The following MMUT variants were observed in gnomAD, a reference collection of about 807,000 sequenced individuals.
MMUT encodes the protein methylmalonyl-CoA mutase, also known as methylmalonyl-CoA mutase, mitochondrial.
In MMUT, 79 loss-of-function variants were observed where a neutral mutation model predicts 79.9. The observed-to-expected ratio is 0.99, with a 90% CI of 0.82 to 1.19. MMUT has a LOEUF of 1.19. Ranked by LOEUF, MMUT falls within the 50% of genes most tolerant of loss-of-function variation. The pLI, the probability that MMUT is intolerant of heterozygous loss-of-function variation, is 0.00. For missense variants in MMUT, 860 were observed against 917.2 expected (o/e 0.94, Z 0.81); for synonymous variants, 273 against 295.7 (o/e 0.92, Z 0.79).
At chr6:49,455,277 A>G (rs944289040) in intron 4 of MMUT, among the ~76,000 whole-genome samples, 1 of 152,204 alleles carries the variant, frequency 6.6e-6, no homozygotes, top group Non-Finnish European at 1.5e-5. Context: ...TCTGAAAAAC[A>G]TCACTATAAA....
chr6:49,452,263 G>T (rs1767573382), intron 5 of MMUT, among the ~76,000 whole-genome samples: 1 of 152,084 alleles, frequency 6.6e-6, no homozygotes, highest in South Asian at 2.1e-4. Context: ...AAATAAAAAT[G>T]ATTATTAAAG....
Position 49,431,869 on chromosome 6 carries a change from T to C in MMUT, c.2125-13A>G. 1 of 1,612,170 alleles carries C rather than the reference T, an allele frequency of 6.2e-7. No individual in the cohort carries two copies. The highest frequency in any genetic ancestry group is 2.2e-5 in the East Asian group (1 of 44,812). ...GAAATTCATAATCCTGTTGAAAGAA[T>C]GTGTTTAATTAATAAGAGCCACTAT... On this transcript the variant is annotated splice_polypyrimidine_tract_variant and intron_variant, in intron 12 of 12. Coordinates refer to ENST00000274813, the MANE Select transcript of MMUT (RefSeq NM_000255.4).
chr6:49,448,931 A>G lies in MMUT; in HGVS notation c.1333-4T>C. Reference sequence around the variant, plus strand: ...TTTCTTCAATTTCATTAATGAGCTAAAAAGAAAAACATTAACAAAACTAAA... The same window carrying G: ...TTTCTTCAATTTCATTAATGAGCTAGAAAGAAAAACATTAACAAAACTAAA... On this transcript the variant is annotated splice_region_variant and splice_polypyrimidine_tract_variant and intron_variant, in intron 6 of 12. Transcript: ENST00000274813. 1 of 1,587,870 alleles carries G rather than the reference A, an allele frequency of 6.3e-7. No individual in the cohort carries two copies.
At chr6:49,452,309 G>A (rs1243773569) in intron 5 of MMUT, among the ~76,000 whole-genome samples, 1 of 151,890 alleles carries the variant, frequency 6.6e-6, no homozygotes, top group Non-Finnish European at 1.5e-5. Context: ...ATTTCTCCAT[G>A]TATTTATTTA....
intron 3 of MMUT, among the ~76,000 whole-genome samples, chr6:49,457,039 G>A (rs944643754): frequency 2.6e-5 from 4 of 152,190 alleles, no homozygotes; most frequent in Non-Finnish European, 5.9e-5. Flanking sequence ...GTAATTACAA[G>A]GGTTGATAAA....
At chr6:49,444,289 C>T (rs1216807906) in intron 9 of MMUT, among the ~76,000 whole-genome samples, 1 of 151,960 alleles carries the variant, frequency 6.6e-6, no homozygotes, top group Non-Finnish European at 1.5e-5. Context: ...CCCTCCCCAC[C>T]CCACAGCCAT....
rs952959586 is a variant in MMUT, at chr6:49,456,001, T to A, written c.911+79A>T. 8 of 1,219,032 alleles carry A rather than the reference T, an allele frequency of 6.6e-6. No homozygotes were observed. The African/African-American group carries it at 1.2e-4, about 18-fold the overall frequency. The allele number at this position is 1,219,032 out of a possible 1,614,324, so 75.5% of individuals were successfully genotyped here. A position where few individuals can be genotyped will look rare whatever the true frequency, so the allele number is the denominator to read the frequency against. On this transcript the variant is annotated intron_variant, in intron 4 of 12. Coordinates refer to ENST00000274813, the MANE Select transcript of MMUT (RefSeq NM_000255.4). ...AAATCTAGCCTGACATTTATATTTA[T>A]AAATTCATTTTATCAATATATAAAA...
intron 11 of MMUT, 127 bp downstream of exon 11, chr6:49,440,079 C>T (rs1767231855): frequency 7.9e-7 from 1 of 1,261,252 alleles, no homozygotes; most frequent in East Asian, 2.3e-5. Flanking sequence ...TTTGCCAAGT[C>T]AGTGGCTACA....
chr6:49,461,351 CAT>C (rs1767836088), intron 1 of MMUT, among the ~76,000 whole-genome samples: 1 of 152,074 alleles, frequency 6.6e-6, no homozygotes, highest in African/African-American at 2.4e-5. Context: ...ATGTGTTATG[CAT>C]AGTTTCCCAA....
intron 6 of MMUT, 31 bp from the exon 7 acceptor site, chr6:49,448,958 G>C: frequency 1.4e-6 from 2 of 1,400,734 alleles, no homozygotes; most frequent in Non-Finnish European, 2.0e-6. Flanking sequence ...AAAACTAAAA[G>C]AGAATATTAA....
rs1767774959 is a variant in MMUT at position 49,459,255 on chromosome 6, G to A, written c.212C>T (p.Pro71Leu). 2 of 1,614,144 alleles carry A rather than the reference G, an allele frequency of 1.2e-6. No individual in the cohort carries two copies. Among genetic ancestry groups the A allele is most frequent in the African/African-American group, 1.3e-5 (1 of 75,032 alleles). Residue 71 changes from proline to leucine, a missense_variant, in exon 2 of 13, where the codon CCC becomes CTC. Transcript: ENST00000274813. ...CATAGTATCTCTCTTGGAATACAAG[G>A]GTTTTATAGAGATCCCTTCCGGGGT... ...WHTPEGISIK[P>L]LYSKRDTMDL...
chr6:49,451,614 C>A lies in MMUT; in HGVS notation c.1184G>T (p.Gly395Val). 6.2e-7 allele frequency: 1 copy of A among 1,614,096 alleles called. No homozygotes were observed. Among genetic ancestry groups the A allele is most frequent in the South Asian group, 1.1e-5 (1 of 91,078 alleles). ...TCGAGCACTTTTCACAGTTGGCAAA[C>A]CCAAAGCTTCATCAAAAGAATTTGT... ...LHTNSFDEALGLPTVKSARIA... is the reference protein window; with the variant it reads ...LHTNSFDEALVLPTVKSARIA... Residue 395 changes from glycine to valine, a missense_variant, in exon 6 of 13, where the codon GGT (glycine) becomes GTT (valine). Coordinates refer to ENST00000274813, the MANE Select transcript of MMUT (RefSeq NM_000255.4).
intron 12 of MMUT, among the ~76,000 whole-genome samples, 171 bp from the exon 13 acceptor site, chr6:49,432,027 A>G (rs1766993290): frequency 6.6e-6 from 1 of 152,180 alleles, no homozygotes. Context: ...ACTAATAGTC[A>G]TCAGCACCAG....
In MMUT at chr6:49,444,765, A is replaced by T; in HGVS notation, c.1561-11T>A. 1.9e-6 allele frequency: 3 copies of T among 1,591,638 alleles called. No individual in the cohort carries two copies. The highest frequency in any genetic ancestry group is 1.7e-6 in the Non-Finnish European group (2 of 1,159,754). On this transcript the variant is annotated splice_polypyrimidine_tract_variant and intron_variant, in intron 8 of 12. Coordinates refer to ENST00000274813, the MANE Select transcript of MMUT (RefSeq NM_000255.4). ...CCTGCTGGATTTGATCTATGGAAAA[A>T]GTCAAGGAAAGGGACAATTTACATG...
chr6:49,434,694 A>G (rs542990648), intron 12 of MMUT, among the ~76,000 whole-genome samples: 15 of 152,328 alleles, frequency 9.8e-5, no homozygotes, highest in Admixed American at 6.5e-5. Context: ...CATATGTGGA[A>G]GGTGTCTCCC....
At chr6:49,444,905 A>C in intron 8 of MMUT, 151 bp from the exon 9 acceptor site, 1 of 583,212 alleles carries the variant, frequency 1.7e-6, no homozygotes. Flanking sequence ...AATAATATAT[A>C]ACCTAGGAAT....
At chr6:49,460,443 T>C (rs1312437970) in intron 1 of MMUT, among the ~76,000 whole-genome samples, 2 of 152,248 alleles carry the variant, frequency 1.3e-5, no homozygotes. Flanking sequence ...ACTTCTGTGC[T>C]AGTTTATAAA....
chr6:49,439,770 C>A lies in MMUT; in HGVS notation c.1956+436G>T, dbSNP rs188514272. ...GGACCCCTTACTGAGGGAGAAGGTC[C>A]CTGAATTTTAGTCAGATTTATTTCC... On this transcript the variant is annotated intron_variant, in intron 11 of 12. Transcript: ENST00000274813. Among the ~76,000 whole-genome samples, 487 of 152,210 alleles carry A rather than the reference C, an allele frequency of 3.2e-3. 5 individuals carry two copies. The highest frequency in any genetic ancestry group is 0.011 in the African/African-American group (457 of 41,540).
At chr6:49,451,377 T>A (rs1767546524) in intron 6 of MMUT, 89 bp downstream of exon 6, 21 of 1,404,524 alleles carry the variant, frequency 1.5e-5, no homozygotes, top group Non-Finnish European at 1.9e-5. Flanking sequence ...ATTTAAAATC[T>A]ATAAATCTTG....
Sources: gnomAD v4.1 joint callset for allele counts (sites outside exome capture counted in the v4.1 genomes callset) on GRCh38, gnomAD v4.1.1 for gene constraint, MANE v1.5 for transcripts, NCBI Gene and HGNC (gene_info 2026-07-23, HGNC 2026-07-21) for gene names.